The following ZBTB40 variants were observed in gnomAD, a reference collection of about 807,000 sequenced individuals.
ZBTB40 encodes zinc finger and BTB domain containing 40, also known as zinc finger and BTB domain-containing protein 40.
Under a neutral mutation model 117.5 loss-of-function variants are expected in ZBTB40, and 60 were observed. The ratio of observed to expected loss-of-function variants is 0.51; its 90% CI spans 0.41 to 0.63. The LOEUF is 0.63. Ranked by LOEUF, ZBTB40 falls within the 30% of genes least tolerant of loss-of-function variation. The pLI, the probability that ZBTB40 is intolerant of heterozygous loss-of-function variation, is 0.00. For synonymous variants in ZBTB40, 525 were observed against 577.1 expected, an observed-to-expected ratio of 0.91 and a Z score of 1.29; for missense variants, 1,287 against 1,498.5, an observed-to-expected ratio of 0.86 and a Z score of 2.33.
At chr1:22,484,598 G>T (rs549748398) in intron 1 of ZBTB40, among the ~76,000 whole-genome samples, 101 of 152,262 alleles carry the variant, frequency 6.6e-4, no homozygotes, top group Non-Finnish European at 9.6e-4. Context: ...AACAAAGACA[G>T]TTTTAACTTC....
intron 1 of ZBTB40, among the ~76,000 whole-genome samples, chr1:22,430,968 A>G (rs1640572160): frequency 6.6e-6 from 1 of 152,012 alleles, no homozygotes; most frequent in African/African-American, 2.4e-5. Flanking sequence ...TCTACATGTT[A>G]TATATGATTT....
chr1:22,521,736 C>G, intron 15 of ZBTB40, 78 bp downstream of exon 15: 1 of 1,588,608 alleles, frequency 6.3e-7, no homozygotes, highest in Non-Finnish European at 8.6e-7. Context: ...GAAATCCCCA[C>G]TTCTAATAGT....
intron 9 of ZBTB40, among the ~76,000 whole-genome samples, 169 bp downstream of exon 9, chr1:22,509,402 A>G (rs1639170279): frequency 1.3e-5 from 2 of 152,032 alleles, no homozygotes; most frequent in Admixed American, 1.3e-4. Context: ...GCTGCAGTGC[A>G]GTGGCACGAT....
At chr1:22,463,610 G>A (rs1641184246) in intron 1 of ZBTB40, among the ~76,000 whole-genome samples, 1 of 152,194 alleles carries the variant, frequency 6.6e-6, no homozygotes, top group Non-Finnish European at 1.5e-5. Context: ...TCACTCATTA[G>A]ATACATGTGT....
chr1:22,521,603 C>T lies in ZBTB40; in HGVS notation c.3156C>T (p.Asp1052=). 1 of 1,614,194 alleles carries T rather than the reference C, an allele frequency of 6.2e-7. No individual in the cohort carries two copies. Among genetic ancestry groups the T allele is most frequent in the Admixed American group, 1.7e-5 (1 of 60,024 alleles). ...KFSSLQCSSC[D]KTFPNTIEHK... ...CATCACTCCAGTGCAGCTCCTGTGACAAAACCTTCCCCAACACCATTGAGC... is the reference window on the plus strand; with the variant it reads ...CATCACTCCAGTGCAGCTCCTGTGATAAAACCTTCCCCAACACCATTGAGC... Residue 1052 remains aspartate, a synonymous_variant, in exon 15 of 18, where the codon GAC becomes GAT. Coordinates refer to ENST00000375647, the MANE Select transcript of ZBTB40 (RefSeq NM_014870.4).
chr1:22,434,504 C>T (rs536202694), intron 1 of ZBTB40, among the ~76,000 whole-genome samples: 1 of 152,090 alleles, frequency 6.6e-6, no homozygotes, highest in Non-Finnish European at 1.5e-5. Flanking sequence ...TCTTTGCCAC[C>T]TCAGGGTTAT....
intron 1 of ZBTB40, among the ~76,000 whole-genome samples, chr1:22,452,379 C>T (rs543164618): frequency 3.9e-4 from 59 of 152,366 alleles, no homozygotes; most frequent in Admixed American, 1.5e-3. Flanking sequence ...CGGACTATGG[C>T]CTTGGGCCTA....
At chr1:22,462,064 T>G (rs1641145859) in intron 1 of ZBTB40, among the ~76,000 whole-genome samples, 1 of 152,202 alleles carries the variant, frequency 6.6e-6, no homozygotes, top group Non-Finnish European at 1.5e-5. Flanking sequence ...CTGCACAGAA[T>G]AAGTAGGCTC....
chr1:22,526,467 C>A lies in ZBTB40; in HGVS notation c.*71C>A. 1 of 1,595,204 alleles carries A rather than the reference C, an allele frequency of 6.3e-7. No homozygotes were observed. The highest frequency in any genetic ancestry group is 1.1e-5 in the South Asian group (1 of 89,936). On this transcript the variant is annotated 3_prime_UTR_variant, in exon 18 of 18. Transcript: ENST00000375647. The stretch of plus-strand genomic sequence containing the variant: ...GAGGCCCCACAGCTTGCCCTTTGCC[C>A]TCCATCCCTGGCTGTCCTGAGTGGT...
chr1:22,502,728 C>T (rs1008606468), intron 5 of ZBTB40, among the ~76,000 whole-genome samples: 6 of 151,976 alleles, frequency 3.9e-5, no homozygotes, highest in South Asian at 2.1e-4. Flanking sequence ...GATGGACGGA[C>T]GGACGGATGG....
At chr1:22,440,576 C>A (rs1330555377) in intron 1 of ZBTB40, among the ~76,000 whole-genome samples, 1 of 152,164 alleles carries the variant, frequency 6.6e-6, no homozygotes, top group African/African-American at 2.4e-5. Flanking sequence ...AGCTTTCAGT[C>A]TTTCACCACT....
intron 1 of ZBTB40, among the ~76,000 whole-genome samples, chr1:22,470,240 G>A (rs1340184604): frequency 6.6e-6 from 1 of 152,212 alleles, no homozygotes; most frequent in Non-Finnish European, 1.5e-5. Context: ...CATAATCTCT[G>A]AGGATAATTC....
At chr1:22,478,098 G>A (rs561584508) in intron 1 of ZBTB40, among the ~76,000 whole-genome samples, 7 of 152,300 alleles carry the variant, frequency 4.6e-5, no homozygotes, top group Middle Eastern at 3.4e-3. Context: ...TTGTGTTGTT[G>A]TTGATTTTTA....
At chr1:22,462,044 G>A (rs1002259042) in intron 1 of ZBTB40, among the ~76,000 whole-genome samples, 3 of 152,052 alleles carry the variant, frequency 2.0e-5, no homozygotes, top group Admixed American at 2.0e-4. Flanking sequence ...ATGTGTGTGC[G>A]GTGTCTCACC....
Position 22,511,349 on chromosome 1 carries a change from T to C in ZBTB40, c.2002+2T>C. On this transcript the variant is annotated splice_donor_variant, in intron 10 of 17. Transcript: ENST00000375647. LOFTEE classifies it high-confidence loss of function. Reference sequence around the variant, plus strand: ...TCATGCAGGAGTTGGCATACATTGGTAAGGAACGGGCCAGGTGGGAAGGGG... The same window carrying C: ...TCATGCAGGAGTTGGCATACATTGGCAAGGAACGGGCCAGGTGGGAAGGGG... 6.2e-7 allele frequency: 1 copy of C among 1,613,804 alleles called. No individual in the cohort carries two copies. The highest frequency in any genetic ancestry group is 8.5e-7 in the Non-Finnish European group (1 of 1,180,024).
chr1:22,494,973 G>A (rs1385837580), intron 3 of ZBTB40, among the ~76,000 whole-genome samples: 1 of 152,306 alleles, frequency 6.6e-6, no homozygotes, highest in East Asian at 1.9e-4. Flanking sequence ...ACAGTTTGGG[G>A]TATTTTGTTT....
chr1:22,444,727 A>G (rs1309350620), intron 1 of ZBTB40, among the ~76,000 whole-genome samples: 1 of 152,226 alleles, frequency 6.6e-6, no homozygotes, highest in Non-Finnish European at 1.5e-5. Flanking sequence ...GCCCACCCCA[A>G]TGGAAGAATG....
At position 22,507,464 on chromosome 1, in the gene ZBTB40, G is replaced by T. The variant is rs116242537; in HGVS notation, c.1361-537G>T. Among the ~76,000 whole-genome samples, 909 of 152,244 alleles carry T rather than the reference G, an allele frequency of 6.0e-3. 5 individuals carry two copies. The highest frequency in any genetic ancestry group is 0.02 in the African/African-American group (842 of 41,524). ...TGGAGTTACTGAGCTAAAGAAAAGGGTACATTTTTAATTATCTGCAAAGCT... is the reference window on the plus strand; with the variant it reads ...TGGAGTTACTGAGCTAAAGAAAAGGTTACATTTTTAATTATCTGCAAAGCT... On this transcript the variant is annotated intron_variant, in intron 6 of 17. Transcript: ENST00000375647.
intron 1 of ZBTB40, among the ~76,000 whole-genome samples, chr1:22,445,049 G>A (rs752854053): frequency 1.4e-4 from 21 of 152,070 alleles, no homozygotes; most frequent in African/African-American, 5.1e-4. Flanking sequence ...ATTTAGGTAC[G>A]TTCCTTAGTG....
Sources: allele counts gnomAD v4.1 joint callset (sites outside exome capture counted in the v4.1 genomes callset), GRCh38; gene constraint gnomAD v4.1.1; transcripts MANE v1.5; gene names NCBI Gene and HGNC (gene_info 2026-07-23, HGNC 2026-07-21).